CES5A: variants seen among roughly 807,000 people sequenced by gnomAD.
CES5A encodes carboxylesterase 5.
Under a neutral mutation model 62.9 loss-of-function variants are expected in CES5A, and 67 were observed. The ratio of observed to expected loss-of-function variants is 1.07; its 90% confidence interval spans 0.88 to 1.31. The LOEUF is 1.31. CES5A is among the 50% of genes most tolerant of loss of function. CES5A has a pLI of 0.00. For synonymous variants in CES5A, 296 were observed against 280.8 expected, an observed-to-expected ratio of 1.05 and a Z score of -0.54; for missense variants, 748 against 708.5, an observed-to-expected ratio of 1.06 and a Z score of -0.63.
chr16:55,947,310 G>T (rs771075492), intron 2 of CES5A, among the ~76,000 whole-genome samples: 1 of 152,122 alleles, frequency 6.6e-6, no homozygotes, highest in African/African-American at 2.4e-5. Flanking sequence ...ATACGAAAAG[G>T]GGCTTATGGA....
chr16:55,848,368 C>T (rs1010777338), intron 11 of CES5A, among the ~76,000 whole-genome samples: 1 of 152,158 alleles, frequency 6.6e-6, no homozygotes, highest in Non-Finnish European at 1.5e-5. Flanking sequence ...ATCCTCCCGC[C>T]TCAGACTCCC....
chr16:55,942,225 G>A (rs2034452951), intron 2 of CES5A, among the ~76,000 whole-genome samples: 2 of 152,238 alleles, frequency 1.3e-5, no homozygotes, highest in Admixed American at 1.3e-4. Context: ...TAGGTAACTT[G>A]AACTTAAATT....
chr16:55,880,506 C>T (rs1487298913), intron 1 of CES5A, among the ~76,000 whole-genome samples: 2 of 152,150 alleles, frequency 1.3e-5, no homozygotes, highest in African/African-American at 4.8e-5. Context: ...TACCTTTTTA[C>T]CCAAATCCCT....
chr16:55,955,986 A>C, exon 1 of CES5A: 1 of 1,301,714 alleles, frequency 7.7e-7, no homozygotes, highest in Non-Finnish European at 1.1e-6. Context: ...ACAGCTGATA[A>C]AGAAAAGTCA....
intron 1 of CES5A, among the ~76,000 whole-genome samples, chr16:55,950,179 T>A (rs1015687761): frequency 6.6e-6 from 1 of 152,022 alleles, no homozygotes; most frequent in Non-Finnish European, 1.5e-5. Flanking sequence ...AGCACCAATG[T>A]CCAAGGCAGC....
chr16:55,888,334 T>C (rs555948565), intron 1 of CES5A, among the ~76,000 whole-genome samples: 2 of 152,294 alleles, frequency 1.3e-5, no homozygotes, highest in South Asian at 4.1e-4. Flanking sequence ...TGTTGGAAAG[T>C]CTACCTGGCC....
At chr16:55,894,284 G>T (rs59889132) in intron 1 of CES5A, among the ~76,000 whole-genome samples, 22,296 of 151,858 alleles carry the variant, frequency 0.15, 1,736 homozygotes, top group South Asian at 0.17. Context: ...CAAGGCAGGC[G>T]GATCATGAGG....
chr16:55,876,288 G>C (rs1214259759), upstream of CES5A, among the ~76,000 whole-genome samples: 1 of 152,068 alleles, frequency 6.6e-6, no homozygotes, highest in African/African-American at 2.4e-5. Flanking sequence ...TTTTTTAAAA[G>C]CTGTTATTAA....
chr16:55,914,427 A>G (rs2034124114), intron 1 of CES5A, among the ~76,000 whole-genome samples: 1 of 152,098 alleles, frequency 6.6e-6, no homozygotes, highest in African/African-American at 2.4e-5. Flanking sequence ...CTGTCTCCCC[A>G]CGGTCTGGTA....
intron 2 of CES5A, among the ~76,000 whole-genome samples, chr16:55,930,544 C>A (rs1470880063): frequency 1.3e-5 from 2 of 152,170 alleles, no homozygotes; most frequent in African/African-American, 2.4e-5. Flanking sequence ...CTTGTGCCAC[C>A]TTGGGACTCT....
chr16:55,918,104 G>A (rs539006512), intron 1 of CES5A, among the ~76,000 whole-genome samples: 1 of 152,254 alleles, frequency 6.6e-6, no homozygotes, highest in East Asian at 1.9e-4. Flanking sequence ...CAGGCACAGA[G>A]GTACCTGGAG....
intron 2 of CES5A, among the ~76,000 whole-genome samples, chr16:55,933,771 A>C (rs2034338118): frequency 6.6e-6 from 1 of 152,204 alleles, no homozygotes; most frequent in Non-Finnish European, 1.5e-5. Context: ...CCACTGAAAC[A>C]CAGCAGCCAG....
intron 2 of CES5A, among the ~76,000 whole-genome samples, chr16:55,947,690 T>A (rs534944635): frequency 2.0e-4 from 30 of 151,926 alleles, no homozygotes; most frequent in Non-Finnish European, 3.7e-4. Flanking sequence ...TCAGATAAGA[T>A]CACATTTGAA....
chr16:55,897,066 C>G (rs755972390), intron 1 of CES5A, among the ~76,000 whole-genome samples: 1 of 152,038 alleles, frequency 6.6e-6, no homozygotes, highest in Non-Finnish European at 1.5e-5. Context: ...CCGCATCCCC[C>G]CCATCCTCTA....
chr16:55,904,726 T>C (rs1170501055), intron 1 of CES5A, among the ~76,000 whole-genome samples: 2 of 152,146 alleles, frequency 1.3e-5, no homozygotes, highest in African/African-American at 4.8e-5. Context: ...AGCTAATAAG[T>C]GACAAAGTAA....
rs74329632 is a variant in CES5A, at chr16:55,932,945, T to C, written c.160+16840A>G. On this transcript the variant is annotated intron_variant, in intron 2 of 13. Coordinates refer to the CES5A transcript ENST00000521992. ...ATTCCACAAAATTTGGCAATGATGA[T>C]GGAAGTTCAGACTAGGGTAGCAGGA... 6.6e-3 allele frequency among the ~76,000 whole-genome samples: 1,007 copies of C among 152,300 alleles called. 15 individuals carry two copies. Among genetic ancestry groups the C allele is most frequent in the African/African-American group, 0.023 (972 of 41,558 alleles).
intron 1 of CES5A, among the ~76,000 whole-genome samples, chr16:55,917,368 T>C (rs1348502207): frequency 6.6e-6 from 1 of 152,274 alleles, no homozygotes; most frequent in Non-Finnish European, 1.5e-5. Flanking sequence ...GTGCCACTTA[T>C]CTGGGTGCTT....
At chr16:55,911,305 C>T (rs1474660311) in intron 1 of CES5A, among the ~76,000 whole-genome samples, 1 of 152,122 alleles carries the variant, frequency 6.6e-6, no homozygotes, top group African/African-American at 2.4e-5. Context: ...AGAAGCTGCC[C>T]CCATCCCTTC....
At chr16:55,920,561 G>A (rs938998817) in intron 1 of CES5A, among the ~76,000 whole-genome samples, 6 of 152,134 alleles carry the variant, frequency 3.9e-5, no homozygotes, top group East Asian at 1.9e-4. Context: ...TTAGAAGGAC[G>A]GCGAACCTGG....
Sources: allele counts gnomAD v4.1 joint callset (sites outside exome capture counted in the v4.1 genomes callset), GRCh38; gene constraint gnomAD v4.1.1; transcripts MANE v1.5; gene names NCBI Gene and HGNC (gene_info 2026-07-23, HGNC 2026-07-21).